IMMP2L: variants seen among roughly 807,000 people sequenced by gnomAD.
IMMP2L encodes inner mitochondrial membrane peptidase subunit 2.
IMMP2L carries 18 observed loss-of-function variants against 19.3 expected under a neutral mutation model. The ratio of observed to expected loss-of-function variants is 0.93; its 90% CI spans 0.64 to 1.38. IMMP2L has a LOEUF of 1.38. Among genes scored for constraint, IMMP2L ranks in the 40% most tolerant of loss-of-function variants. The pLI is 0.00. For synonymous variants in IMMP2L, 76 were observed against 73.0 expected, an observed-to-expected ratio of 1.04 and a Z score of -0.21; for missense variants, 233 against 218.2, an observed-to-expected ratio of 1.07 and a Z score of -0.43.
intron 4 of IMMP2L, among the ~76,000 whole-genome samples, chr7:110,900,483 C>G (rs976892170): frequency 9.2e-5 from 14 of 152,178 alleles, no homozygotes; most frequent in African/African-American, 3.4e-4. Flanking sequence ...CACCTCCTCA[C>G]TAGTTTTCAT....
At chr7:111,534,407 T>C (rs1384225941) in intron 1 of IMMP2L, among the ~76,000 whole-genome samples, 3 of 152,144 alleles carry the variant, frequency 2.0e-5, no homozygotes, top group Non-Finnish European at 2.9e-5. Context: ...AACCCATTTA[T>C]GTGAAATTTT....
chr7:111,069,446 A>G (rs138263691), intron 3 of IMMP2L, among the ~76,000 whole-genome samples: 15 of 152,342 alleles, frequency 9.8e-5, no homozygotes, highest in African/African-American at 3.4e-4. Context: ...TTAATCCATC[A>G]AATTAGAAAC....
intron 3 of IMMP2L, among the ~76,000 whole-genome samples, chr7:111,180,773 C>T (rs904240076): frequency 3.3e-5 from 5 of 151,946 alleles, no homozygotes; most frequent in Admixed American, 6.6e-5. Context: ...TTGACAAAGC[C>T]TATTTTTAAA....
chr7:110,976,243 T>C (rs1820682823), intron 3 of IMMP2L, among the ~76,000 whole-genome samples: 1 of 151,862 alleles, frequency 6.6e-6, no homozygotes. Context: ...CCAAGTCAGT[T>C]ACCTGCACTT....
intron 3 of IMMP2L, among the ~76,000 whole-genome samples, chr7:111,082,768 T>C (rs1166643289): frequency 1.3e-5 from 2 of 151,312 alleles, no homozygotes; most frequent in African/African-American, 2.4e-5. Flanking sequence ...AGGTTAAAGA[T>C]GTAAGAAGTG....
chr7:110,823,394 T>G (rs570983206), intron 5 of IMMP2L, among the ~76,000 whole-genome samples: 1 of 152,148 alleles, frequency 6.6e-6, no homozygotes, highest in East Asian at 1.9e-4. Flanking sequence ...CTCAAAGAGA[T>G]TATATTACTC....
In IMMP2L at chr7:111,147,153, A is replaced by G. The variant is rs112109303; in HGVS notation, c.240-183588T>C. On this transcript the variant is annotated intron_variant, in intron 3 of 5. Coordinates refer to ENST00000405709, the MANE Select transcript of IMMP2L (RefSeq NM_032549.4). Reference sequence around the variant, plus strand: ...ATTTGGAAGAATTTATAATTTCTATAAGTTTTCCATTATTCCCTAACTAAA... The same window carrying G: ...ATTTGGAAGAATTTATAATTTCTATGAGTTTTCCATTATTCCCTAACTAAA... Among the ~76,000 whole-genome samples, 935 of 152,184 alleles carry G rather than the reference A, an allele frequency of 6.1e-3. 16 individuals carry two copies. The highest frequency in any genetic ancestry group is 0.022 in the African/African-American group (898 of 41,526).
intron 3 of IMMP2L, chr7:111,124,399 G>A (rs1396309139): frequency 6.2e-7 from 1 of 1,613,760 alleles, no homozygotes; most frequent in Admixed American, 1.7e-5. Flanking sequence ...GTCCTGGAAA[G>A]CAAGTTCTAA....
chr7:111,416,945 A>G (rs1835006732), intron 3 of IMMP2L, among the ~76,000 whole-genome samples: 1 of 151,702 alleles, frequency 6.6e-6, no homozygotes, highest in South Asian at 2.1e-4. Context: ...GATATATACT[A>G]TCCAATACAG....
intron 3 of IMMP2L, among the ~76,000 whole-genome samples, chr7:111,191,431 TACACACACACACACACAC>T (rs57414194): frequency 6.8e-6 from 1 of 146,664 alleles, no homozygotes; most frequent in South Asian, 2.2e-4. Context: ...GCTGCTCAAA[TACACACACACACACACAC>T]ACACACACAC....
chr7:110,854,465 ACT>A (rs1347616289), intron 5 of IMMP2L, among the ~76,000 whole-genome samples: 1 of 151,838 alleles, frequency 6.6e-6, no homozygotes, highest in African/African-American at 2.4e-5. Flanking sequence ...AGTAAGTTTC[ACT>A]CTGTCAAAAA....
chr7:110,951,549 GTGTGTGTGTGTGTA>G (rs1007914583), intron 4 of IMMP2L, among the ~76,000 whole-genome samples: 4 of 151,708 alleles, frequency 2.6e-5, no homozygotes, highest in South Asian at 2.1e-4. Context: ...GTGTGTGTGT[GTGTGTGTGTGTGTA>G]TGTGTGTGTG....
chr7:110,828,120 G>A (rs932299158), intron 5 of IMMP2L, among the ~76,000 whole-genome samples: 1 of 152,088 alleles, frequency 6.6e-6, no homozygotes, highest in African/African-American at 2.4e-5. Flanking sequence ...TAAATGACCA[G>A]ACTAAACATT....
chr7:111,517,609 C>T (rs2132635993), intron 2 of IMMP2L, among the ~76,000 whole-genome samples: 1 of 152,184 alleles, frequency 6.6e-6, no homozygotes, highest in Middle Eastern at 3.4e-3. Flanking sequence ...GGCATGAGGT[C>T]ATTAAACTAT....
chr7:110,882,703 A>T (rs1380525783), intron 5 of IMMP2L, among the ~76,000 whole-genome samples: 1 of 151,914 alleles, frequency 6.6e-6, no homozygotes, highest in Non-Finnish European at 1.5e-5. Context: ...TAATATAAAA[A>T]GTCCCATTCT....
chr7:110,887,945 G>A (rs988323596), intron 4 of IMMP2L, among the ~76,000 whole-genome samples: 1 of 152,000 alleles, frequency 6.6e-6, no homozygotes, highest in Non-Finnish European at 1.5e-5. Context: ...CAATTTGTAT[G>A]TGTGCAGAAT....
rs922546321 is a variant in IMMP2L at position 110,877,547 on chromosome 7, T to C, written c.408+9046A>G. On this transcript the variant is annotated intron_variant, in intron 5 of 5. Transcript: ENST00000405709. The surrounding 1 kb of genome is among the most constrained non-coding windows in gnomAD (Gnocchi z 4.0). ...AAAACCAAATGGTGAATTTATGGAA[T>C]GATCAAGGCATAGGCAGGTAAGACG... is the stretch of plus-strand genomic sequence containing the variant. 3.3e-5 allele frequency among the ~76,000 whole-genome samples: 5 copies of C among 152,100 alleles called. No homozygotes were observed. Among genetic ancestry groups the C allele is most frequent in the Non-Finnish European group, 7.4e-5 (5 of 68,018 alleles).
intron 3 of IMMP2L, among the ~76,000 whole-genome samples, chr7:111,328,799 C>T (rs1825593233): frequency 6.6e-6 from 1 of 151,802 alleles, no homozygotes; most frequent in African/African-American, 2.4e-5. Flanking sequence ...CATGAAACTT[C>T]AACGTGCCCT....
chr7:111,122,810 G>A, intron 3 of IMMP2L: 1 of 1,613,704 alleles, frequency 6.2e-7, no homozygotes, highest in Non-Finnish European at 8.5e-7. Flanking sequence ...GTGCTACTTG[G>A]CCTAGCTATC....
Sources: allele counts gnomAD v4.1 joint callset (sites outside exome capture counted in the v4.1 genomes callset), GRCh38; gene constraint gnomAD v4.1.1; non-coding constraint Gnocchi (gnomAD v3.1); transcripts MANE v1.5; gene names NCBI Gene and HGNC (gene_info 2026-07-23, HGNC 2026-07-21).